The following DSCAM variants were observed in gnomAD, a reference collection of about 807,000 sequenced individuals.
The protein encoded by DSCAM is DS cell adhesion molecule.
DSCAM carries 47 observed loss-of-function variants against 217.7 expected under a neutral mutation model. The observed-to-expected ratio is 0.22, with a 90% CI of 0.17 to 0.28. DSCAM has a LOEUF of 0.28. Among genes scored for constraint, DSCAM ranks in the 10% least tolerant of loss-of-function variants. The pLI is 1.00. For synonymous variants in DSCAM, 1,056 were observed against 1,015.3 expected (o/e 1.04, Z -0.76); for missense variants, 2,080 against 2,618.3 (o/e 0.79, Z 4.49).
At position 40,556,310 on chromosome 21, in the gene DSCAM, C is replaced by T. The variant is rs539405541; in HGVS notation, c.508+136500G>A. Among the ~76,000 whole-genome samples, 21 of 152,086 alleles carry T rather than the reference C, an allele frequency of 1.4e-4. No homozygotes were observed. The South Asian group carries it at 4.4e-3, about 32-fold the overall frequency. The stretch of plus-strand genomic sequence containing the variant: ...CTAATAGTTTGCTATTGACTGGAAG[C>T]CTTACTGATAACAAAAACAGGCAAT... On this transcript the variant is annotated intron_variant, in intron 3 of 32. Transcript: ENST00000400454.
intron 1 of DSCAM, among the ~76,000 whole-genome samples, chr21:40,803,800 G>T (rs1228564923): frequency 1.3e-5 from 2 of 152,110 alleles, no homozygotes. Context: ...CTTTATACCT[G>T]TGTCTGGACC....
At chr21:40,531,194 A>G (rs966765346) in intron 3 of DSCAM, among the ~76,000 whole-genome samples, 7 of 152,164 alleles carry the variant, frequency 4.6e-5, no homozygotes, top group African/African-American at 1.4e-4. Context: ...GGTGGTTTAC[A>G]GTTCCTGCTG....
intron 15 of DSCAM, among the ~76,000 whole-genome samples, chr21:40,167,605 C>T (rs2090611689): frequency 6.6e-6 from 1 of 152,156 alleles, no homozygotes; most frequent in Non-Finnish European, 1.5e-5. Context: ...CAAAATTTCC[C>T]TTATGAAATG....
intron 16 of DSCAM, among the ~76,000 whole-genome samples, chr21:40,150,149 A>C (rs2090409717): frequency 6.6e-6 from 1 of 152,230 alleles, no homozygotes; most frequent in Admixed American, 6.5e-5. Flanking sequence ...TGAAGAAACA[A>C]AAGGTCAAAT....
intron 16 of DSCAM, among the ~76,000 whole-genome samples, chr21:40,158,127 G>A (rs1439460491): frequency 3.9e-5 from 6 of 152,196 alleles, no homozygotes; most frequent in Non-Finnish European, 2.9e-5. Context: ...GCTCATGCCT[G>A]TAATCACAGC....
chr21:40,417,424 T>C (rs1448913477), intron 3 of DSCAM, among the ~76,000 whole-genome samples: 1 of 152,190 alleles, frequency 6.6e-6, no homozygotes, highest in African/African-American at 2.4e-5. Flanking sequence ...TAAATAATCA[T>C]TATAAAGATC....
chr21:40,017,113 A>C (rs1228356918), intron 32 of DSCAM, among the ~76,000 whole-genome samples: 1 of 152,100 alleles, frequency 6.6e-6, no homozygotes, highest in Non-Finnish European at 1.5e-5. Flanking sequence ...CAAAAAAAAA[A>C]AAAAAAAGTA....
intron 20 of DSCAM, among the ~76,000 whole-genome samples, chr21:40,102,683 T>G (rs2089768038): frequency 6.6e-6 from 1 of 152,232 alleles, no homozygotes; most frequent in Admixed American, 6.5e-5. Flanking sequence ...GTGAGGCACT[T>G]TAAACACTCT....
chr21:40,047,168 C>T (rs958550752), intron 30 of DSCAM, among the ~76,000 whole-genome samples: 36 of 152,160 alleles, frequency 2.4e-4, no homozygotes, highest in African/African-American at 8.7e-4. Flanking sequence ...ATGTAGAATA[C>T]TGGGGTATTT....
intron 4 of DSCAM, among the ~76,000 whole-genome samples, chr21:40,355,646 A>G (rs2074683660): frequency 6.6e-6 from 1 of 152,218 alleles, no homozygotes; most frequent in Non-Finnish European, 1.5e-5. Context: ...TGCATTCCAC[A>G]TGGATATTAC....
chr21:40,433,240 G>A (rs979417080), intron 3 of DSCAM, among the ~76,000 whole-genome samples: 4 of 151,576 alleles, frequency 2.6e-5, no homozygotes, highest in Non-Finnish European at 5.9e-5. Flanking sequence ...TCCCAGCTAC[G>A]CGGGAGGCTG....
chr21:40,575,944 C>A (rs2178841), intron 3 of DSCAM, among the ~76,000 whole-genome samples: 1 of 151,876 alleles, frequency 6.6e-6, no homozygotes, highest in Admixed American at 6.5e-5. Context: ...ACAATACCAT[C>A]TCATACACAC....
intron 3 of DSCAM, among the ~76,000 whole-genome samples, chr21:40,379,123 G>A (rs1165666999): frequency 6.6e-6 from 1 of 152,184 alleles, no homozygotes; most frequent in Non-Finnish European, 1.5e-5. Flanking sequence ...TGAACAGAGA[G>A]GCCTGGATCA....
Position 40,356,388 on chromosome 21 carries a change from GATATATAT to G in DSCAM, c.656-2653_656-2646del, listed in dbSNP as rs60717299. Among the ~76,000 whole-genome samples the G allele has an allele frequency of 2.7e-5, 4 of 147,308 alleles. No homozygotes were observed. In the Admixed American group the frequency reaches 2.7e-4, roughly 10 times the overall value. On this transcript the variant is annotated intron_variant, in intron 4 of 32. Coordinates refer to ENST00000400454, the MANE Select transcript of DSCAM (RefSeq NM_001389.5). ...TAGATATGTTATTTTGCTTGATAGTGATATATATATATATATATATGCACATTGTACAT... is the reference window on the plus strand; with the variant it reads ...TAGATATGTTATTTTGCTTGATAGTGATATATATATATGCACATTGTACAT...
intron 3 of DSCAM, among the ~76,000 whole-genome samples, chr21:40,473,932 G>T (rs927910796): frequency 6.6e-6 from 1 of 152,196 alleles, no homozygotes; most frequent in African/African-American, 2.4e-5. Flanking sequence ...AATGACTGCT[G>T]TTCAAACCCC....
chr21:40,289,598 A>G (rs537339266), intron 10 of DSCAM, among the ~76,000 whole-genome samples: 15 of 152,346 alleles, frequency 9.8e-5, no homozygotes, highest in Admixed American at 3.3e-4. Context: ...GCACATTCAC[A>G]TAGCTTTTAT....
At chr21:40,582,907 A>G (rs1490873181) in intron 3 of DSCAM, among the ~76,000 whole-genome samples, 3 of 152,176 alleles carry the variant, frequency 2.0e-5, no homozygotes, top group Non-Finnish European at 4.4e-5. Flanking sequence ...AATTGCCTTT[A>G]TATGTACTGC....
intron 32 of DSCAM, among the ~76,000 whole-genome samples, chr21:40,020,417 G>T (rs1269872650): frequency 6.6e-6 from 1 of 152,156 alleles, no homozygotes; most frequent in East Asian, 1.9e-4. Context: ...GAAATCAAAG[G>T]CATAGAAAAG....
At chr21:40,293,767 G>A (rs2073922749) in intron 10 of DSCAM, among the ~76,000 whole-genome samples, 1 of 152,068 alleles carries the variant, frequency 6.6e-6, no homozygotes, top group South Asian at 2.1e-4. Flanking sequence ...GGAGGTTGCA[G>A]TGAGCTGAGA....
Sources: gnomAD v4.1 joint callset for allele counts (sites outside exome capture counted in the v4.1 genomes callset) on GRCh38, gnomAD v4.1.1 for gene constraint, MANE v1.5 for transcripts, NCBI Gene and HGNC (gene_info 2026-07-23, HGNC 2026-07-21) for gene names.